MED12L: variants seen among roughly 807,000 people sequenced by gnomAD.
MED12L encodes the protein mediator complex subunit 12L, also known as mediator of RNA polymerase II transcription subunit 12-like protein.
MED12L carries 60 observed loss-of-function variants against 281.3 expected under a neutral mutation model. The observed-to-expected ratio is 0.21, with a 90% CI of 0.17 to 0.26. The LOEUF (loss-of-function observed/expected upper bound fraction) is 0.26, where lower values mean the gene tolerates loss of function less well. Ranked by LOEUF, MED12L falls within the 10% of genes least tolerant of loss-of-function variation. The pLI is 1.00. For missense variants in MED12L, 2,146 were observed against 2,680.9 expected, an observed-to-expected ratio of 0.80 and a Z score of 4.41; for synonymous variants, 974 against 987.2, an observed-to-expected ratio of 0.99 and a Z score of 0.25.
At chr3:151,317,128 A>G (rs1490825013) in intron 16 of MED12L, among the ~76,000 whole-genome samples, 8 of 152,194 alleles carry the variant, frequency 5.3e-5, no homozygotes, top group African/African-American at 1.9e-4. Flanking sequence ...TAAAAGAAAT[A>G]AGAATATGCT....
chr3:151,204,255 T>C (rs1438691267), intron 16 of MED12L, among the ~76,000 whole-genome samples: 1 of 152,198 alleles, frequency 6.6e-6, no homozygotes, highest in African/African-American at 2.4e-5. Flanking sequence ...AAGATACCTT[T>C]CCAGGATCTA....
At chr3:151,244,978 A>G in intron 16 of MED12L, among the ~76,000 whole-genome samples, 1 of 150,878 alleles carries the variant, frequency 6.6e-6, no homozygotes, top group East Asian at 2.0e-4. Flanking sequence ...CCATCAGATA[A>G]TACTACAAAC....
chr3:151,354,072 C>T (rs373960241), intron 17 of MED12L, among the ~76,000 whole-genome samples: 2 of 129,194 alleles, frequency 1.5e-5, no homozygotes, highest in Non-Finnish European at 3.2e-5. Context: ...ACCCGGGAGG[C>T]GGAGCTTGCA....
intron 5 of MED12L, among the ~76,000 whole-genome samples, chr3:151,130,587 C>A (rs908075601): frequency 1.3e-5 from 2 of 152,150 alleles, no homozygotes; most frequent in African/African-American, 4.8e-5. Flanking sequence ...GCCCCTTGTC[C>A]CACTCAGATT....
intron 16 of MED12L, among the ~76,000 whole-genome samples, chr3:151,215,381 G>A (rs972679231): frequency 6.6e-6 from 1 of 151,900 alleles, no homozygotes; most frequent in African/African-American, 2.4e-5. Context: ...AAATATCTCA[G>A]TATTTTTAAT....
At chr3:151,355,329 G>T (rs1196034541) in intron 18 of MED12L, 90 bp downstream of exon 18, 2 of 754,236 alleles carry the variant, frequency 2.7e-6, no homozygotes, top group Non-Finnish European at 2.2e-6. Context: ...CAACCTTAAT[G>T]GTTTTAGACA....
rs371286691 is a variant in MED12L at position 151,196,957 on chromosome 3, C to T, written c.2250+3291C>T. Among the ~76,000 whole-genome samples, 12 of 152,222 alleles carry T rather than the reference C, an allele frequency of 7.9e-5. 1 individual carries two copies. The South Asian group carries it at 2.1e-3, about 26-fold the overall frequency. ...CAGCTAATGCAAATGGATTTACCAG[C>T]GGTTTTTATATGGGCTTATTTTACT... is the stretch of plus-strand genomic sequence containing the variant. On this transcript the variant is annotated intron_variant, in intron 16 of 44. Coordinates refer to ENST00000687756, the MANE Select transcript of MED12L (RefSeq NM_001393769.1).
At chr3:151,427,785 GT>G (rs1368508668) in intron 43 of MED12L, among the ~76,000 whole-genome samples, 1 of 152,176 alleles carries the variant, frequency 6.6e-6, no homozygotes, top group Non-Finnish European at 1.5e-5. Context: ...GGAGGAATAA[GT>G]TTTGTTGATC....
chr3:151,100,231 T>C (rs1721230574), intron 2 of MED12L, among the ~76,000 whole-genome samples: 1 of 152,198 alleles, frequency 6.6e-6, no homozygotes, highest in South Asian at 2.1e-4. Flanking sequence ...CCAGAGTCAG[T>C]TGGAATGTGC....
chr3:151,230,815 G>T (rs1731520104), intron 16 of MED12L, among the ~76,000 whole-genome samples: 1 of 152,084 alleles, frequency 6.6e-6, no homozygotes, highest in South Asian at 2.1e-4. Context: ...AAACCCCCCT[G>T]CCAATGCAGA....
intron 16 of MED12L, among the ~76,000 whole-genome samples, chr3:151,334,987 G>A (rs903584547): frequency 3.9e-5 from 6 of 151,992 alleles, no homozygotes; most frequent in African/African-American, 7.3e-5. Context: ...AATTTCATTC[G>A]GCATGAAATT....
At chr3:151,114,926 T>G (rs1171018211) in intron 2 of MED12L, among the ~76,000 whole-genome samples, 1 of 152,180 alleles carries the variant, frequency 6.6e-6, no homozygotes, top group East Asian at 1.9e-4. Flanking sequence ...TGGCATGGTG[T>G]CATGGAAATT....
chr3:151,304,407 C>T (rs1746359227), intron 16 of MED12L, among the ~76,000 whole-genome samples: 2 of 152,074 alleles, frequency 1.3e-5, no homozygotes, highest in South Asian at 4.1e-4. Flanking sequence ...AACCCTGTCT[C>T]TACTAAAAAT....
At chr3:151,239,065 C>T (rs1210279426) in intron 16 of MED12L, among the ~76,000 whole-genome samples, 3 of 152,264 alleles carry the variant, frequency 2.0e-5, no homozygotes, top group East Asian at 1.9e-4. Context: ...TTGTGAGTTT[C>T]GTAGCTTTCC....
At chr3:151,354,939 A>C (rs1377878547) in intron 17 of MED12L, among the ~76,000 whole-genome samples, 182 bp from the exon 18 acceptor site, 1 of 152,078 alleles carries the variant, frequency 6.6e-6, no homozygotes, top group Non-Finnish European at 1.5e-5. Context: ...GGCCTGAGGG[A>C]GTTTCTGAGA....
intron 21 of MED12L, among the ~76,000 whole-genome samples, chr3:151,363,870 T>C (rs1480098927): frequency 6.6e-6 from 1 of 152,142 alleles, no homozygotes; most frequent in Non-Finnish European, 1.5e-5. Context: ...TGGTAAACAT[T>C]GAACTGAACA....
intron 11 of MED12L, among the ~76,000 whole-genome samples, chr3:151,181,205 G>C (rs1422399681): frequency 6.6e-6 from 1 of 151,684 alleles, no homozygotes; most frequent in Non-Finnish European, 1.5e-5. Flanking sequence ...TATCTCTTTG[G>C]TATTAAAAAT....
Position 151,116,341 on chromosome 3 carries a change from G to T in MED12L, c.103G>T (p.Glu35Ter). The T allele has an allele frequency of 6.2e-7, 1 of 1,610,396 alleles. No homozygotes were observed. The highest frequency in any genetic ancestry group is 1.1e-5 in the South Asian group (1 of 90,846). ...ATCAATACCGTCTCTTGAACAGGAT[G>T]AACTTACTGCTGTGAATGTAAAGCA... is the stretch of plus-strand genomic sequence containing the variant. The part of the protein sequence containing the change: ...YPQDPKQKED[E>*]LTAVNVKQGF... The change falls in exon 3 of 45, where the codon GAA (glutamate) becomes TAA (stop). Residue 35 changes from glutamate (E) to a stop codon, truncating the protein, a stop_gained. Coordinates refer to ENST00000687756, the MANE Select transcript of MED12L (RefSeq NM_001393769.1). LOFTEE classifies it high-confidence loss of function.
intron 16 of MED12L, among the ~76,000 whole-genome samples, chr3:151,347,956 A>G (rs534503058): frequency 1.3e-5 from 2 of 152,298 alleles, no homozygotes; most frequent in African/African-American, 2.4e-5. Flanking sequence ...ATTTGGAGCC[A>G]TAGTGATCCT....
Sources: gnomAD v4.1 joint callset for allele counts (sites outside exome capture counted in the v4.1 genomes callset) on GRCh38, gnomAD v4.1.1 for gene constraint, MANE v1.5 for transcripts, NCBI Gene and HGNC (gene_info 2026-07-23, HGNC 2026-07-21) for gene names.